The following CTDP1 variants were observed in gnomAD, a reference collection of about 807,000 sequenced individuals.
CTDP1 encodes the protein CTD phosphatase 1.
In CTDP1, 47 loss-of-function variants were observed where a neutral mutation model predicts 91.8. That is an observed-to-expected ratio of 0.51 (90% CI 0.41 to 0.65). The LOEUF (loss-of-function observed/expected upper bound fraction) is 0.65, where lower values mean the gene tolerates loss of function less well. Ranked by LOEUF, CTDP1 falls within the 30% of genes least tolerant of loss-of-function variation. The pLI is 0.00. For missense variants in CTDP1, 1,272 were observed against 1,373.7 expected, an observed-to-expected ratio of 0.93 and a Z score of 1.17; for synonymous variants, 656 against 598.5, an observed-to-expected ratio of 1.10 and a Z score of -1.40.
At chr18:79,711,700 C>A (rs2122605643) in intron 6 of CTDP1, among the ~76,000 whole-genome samples, 1 of 152,288 alleles carries the variant, frequency 6.6e-6, no homozygotes, top group East Asian at 1.9e-4. Context: ...ACTATTATGC[C>A]CATATTTTTG....
rs1423100927 is a variant in CTDP1, at chr18:79,736,480, T to G, written c.2706T>G (p.Pro902=). The G allele has an allele frequency of 6.5e-7, 1 of 1,548,290 alleles. No homozygotes were observed. The highest frequency in any genetic ancestry group is 8.7e-7 in the Non-Finnish European group (1 of 1,146,622). The part of the protein sequence containing the change: ...GTRRERTLGA[P]ASSERSAAGG... The stretch of plus-strand genomic sequence containing the variant: ...GCAGGGAGCGGACGCTCGGGGCACC[T>G]GCGTCCAGCGAGAGGAGCGCGGCAG... Residue 902 remains proline, a synonymous_variant, in exon 12 of 13, where the codon CCT becomes CCG. Coordinates refer to ENST00000613122, the MANE Select transcript of CTDP1 (RefSeq NM_004715.5).
At chr18:79,736,012 T>C (rs1316478716) in intron 11 of CTDP1, 2 of 298,252 alleles carry the variant, frequency 6.7e-6, no homozygotes, top group African/African-American at 2.1e-5. Flanking sequence ...GTGAATCTCA[T>C]TGATCTTGAA....
chr18:79,693,692 C>G (rs370707014), intron 1 of CTDP1, among the ~76,000 whole-genome samples: 4 of 152,166 alleles, frequency 2.6e-5, no homozygotes, highest in Non-Finnish European at 4.4e-5. Flanking sequence ...CCCGAGGGCT[C>G]GGAGCCCCGC....
Position 79,717,837 on chromosome 18 carries a change from C to G in CTDP1, c.2238C>G (p.Asp746Glu). Residue 746 changes from aspartate to glutamate, a missense_variant, in exon 10 of 13, where the codon GAC becomes GAG. By Grantham distance (45) the Asp-to-Glu change is conservative. This residue lies in a region of CTDP1 where 881 missense variants were observed against 911.6 expected (regional missense o/e 0.97). Transcript: ENST00000613122. ...QRENSPAAFP[D>E]REGVPPTALF... ...AGAACAGCCCTGCGGCCTTTCCCGA[C>G]CGGGAGGGTGTGCCCCCCACCGCCT... 2 of 1,613,698 alleles carry G rather than the reference C, an allele frequency of 1.2e-6. No individual in the cohort carries two copies. Among genetic ancestry groups the G allele is most frequent in the Non-Finnish European group, 1.7e-6 (2 of 1,180,000 alleles).
At chr18:79,706,480 C>CGT (rs2085968911) in intron 5 of CTDP1, among the ~76,000 whole-genome samples, 1 of 152,136 alleles carries the variant, frequency 6.6e-6, no homozygotes, top group Non-Finnish European at 1.5e-5. Flanking sequence ...CTCACAATAA[C>CGT]AAATGTCAGG....
In CTDP1 at chr18:79,754,028, A is replaced by G. The variant is rs2087055365; in HGVS notation, c.*238A>G. The G allele has an allele frequency of 1.7e-6, 1 of 580,360 alleles. No individual in the cohort carries two copies. Among genetic ancestry groups the G allele is most frequent in the East Asian group, 3.3e-5 (1 of 30,688 alleles). The allele number at this position is 580,360 out of a possible 1,614,324, so 36.0% of individuals were successfully genotyped here. A position where few individuals can be genotyped will look rare whatever the true frequency, so the allele number is the denominator to read the frequency against. On this transcript the variant is annotated 3_prime_UTR_variant, in exon 13 of 13. Coordinates refer to ENST00000613122, the MANE Select transcript of CTDP1 (RefSeq NM_004715.5). ...TAAAGGCCCAGGTGTGCTGTGCCAAAGAGCTCAGCAGAGGCTCACGTGGCC... is the reference window on the plus strand; with the variant it reads ...TAAAGGCCCAGGTGTGCTGTGCCAAGGAGCTCAGCAGAGGCTCACGTGGCC...
At chr18:79,683,131 ACT>A (rs2085409491) in intron 1 of CTDP1, 1 of 151,996 alleles carries the variant, frequency 6.6e-6, no homozygotes, top group African/African-American at 2.4e-5. Context: ...ACCGTCATTG[ACT>A]CTGCTCACCA....
rs1411239151 is a variant in CTDP1 at position 79,715,005 on chromosome 18, A to C, written c.1545A>C (p.Gly515=). ...PGRPAAPSLP[G]EAEPGAHAPD... is the part of the protein sequence containing the mutation. ...GGCCTGCAGCACCGAGTCTCCCCGG[A>C]GAGGCCGAGCCTGGCGCGCATGCCC... The change falls in exon 8 of 13, where the codon GGA becomes GGC. Residue 515 remains glycine, a synonymous_variant. Coordinates refer to ENST00000613122, the MANE Select transcript of CTDP1 (RefSeq NM_004715.5). 3.1e-6 allele frequency: 5 copies of C among 1,589,726 alleles called. No homozygotes were observed. The highest frequency in any genetic ancestry group is 4.3e-6 in the Non-Finnish European group (5 of 1,169,414).
At chr18:79,698,434 A>G (rs1020336763) in intron 4 of CTDP1, among the ~76,000 whole-genome samples, 3 of 152,046 alleles carry the variant, frequency 2.0e-5, no homozygotes, top group African/African-American at 7.2e-5. Context: ...GGGCTGGAGG[A>G]AAAGCCTGGG....
Position 79,682,081 on chromosome 18 carries a change from C to T in CTDP1, c.314+1820C>T, listed in dbSNP as rs117603502. On this transcript the variant is annotated intron_variant, in intron 1 of 12. Transcript: ENST00000613122. Reference sequence around the variant, plus strand: ...CATGTGCCCTGGCAGTTCTGGTCGTCTGTTTGGAATCAGGTTCCTGCCTCG... The same window carrying T: ...CATGTGCCCTGGCAGTTCTGGTCGTTTGTTTGGAATCAGGTTCCTGCCTCG... 8.8e-3 allele frequency among the ~76,000 whole-genome samples: 1,345 copies of T among 152,268 alleles called. 8 individuals carry two copies. Among genetic ancestry groups the T allele is most frequent in the Middle Eastern group, 0.02 (6 of 294 alleles).
At chr18:79,750,554 C>T (rs188791035) in intron 12 of CTDP1, among the ~76,000 whole-genome samples, 487 of 151,378 alleles carry the variant, frequency 3.2e-3, no homozygotes, top group African/African-American at 0.01. Context: ...AGTGCAGTGG[C>T]GTGATCTCAG....
intron 5 of CTDP1, among the ~76,000 whole-genome samples, chr18:79,706,881 G>A (rs2085978015): frequency 6.6e-6 from 1 of 152,236 alleles, no homozygotes; most frequent in African/African-American, 2.4e-5. Flanking sequence ...GCACAGCCCG[G>A]TGACCTGCAC....
At chr18:79,714,426 C>A in intron 7 of CTDP1, 65 bp from the exon 8 acceptor site, 1 of 1,574,452 alleles carries the variant, frequency 6.4e-7, no homozygotes, top group Non-Finnish European at 8.7e-7. Context: ...GCTGCTTTAA[C>A]TTGGAACGTT....
At chr18:79,728,352 G>A (rs1393856392) in intron 10 of CTDP1, among the ~76,000 whole-genome samples, 3 of 152,116 alleles carry the variant, frequency 2.0e-5, no homozygotes, top group Admixed American at 6.5e-5. Context: ...CACCTGCCTC[G>A]GCCTCCCAAA....
At chr18:79,751,319 A>AGG (rs1568224206) in intron 12 of CTDP1, among the ~76,000 whole-genome samples, 1 of 55,482 alleles carries the variant, frequency 1.8e-5, no homozygotes, top group Non-Finnish European at 3.7e-5. Flanking sequence ...CAGGCCAGGG[A>AGG]GGGAGGGGCT....
At chr18:79,741,838 A>G (rs1158955926) in intron 12 of CTDP1, among the ~76,000 whole-genome samples, 1 of 152,242 alleles carries the variant, frequency 6.6e-6, no homozygotes, top group Non-Finnish European at 1.5e-5. Context: ...AGTTGTTTTT[A>G]ATCTTGGATA....
chr18:79,743,537 A>AAC (rs1339776600), intron 12 of CTDP1, among the ~76,000 whole-genome samples: 1 of 151,042 alleles, frequency 6.6e-6, no homozygotes, highest in East Asian at 2.0e-4. Context: ...AAAAAAAAAA[A>AAC]AAAAAAACAG....
intron 10 of CTDP1, among the ~76,000 whole-genome samples, chr18:79,721,831 T>TA (rs201167000): frequency 0.023 from 3,549 of 151,914 alleles, 156 homozygotes; most frequent in African/African-American, 0.079. Context: ...TTTATTTATT[T>TA]TTTTTTTTTT....
At chr18:79,715,739 CA>C (rs1199658953) in intron 8 of CTDP1, among the ~76,000 whole-genome samples, 1 of 152,224 alleles carries the variant, frequency 6.6e-6, no homozygotes, top group African/African-American at 2.4e-5. Flanking sequence ...ACACACCATT[CA>C]GGGGTGGGAG....
Sources: gnomAD v4.1 joint callset for allele counts (sites outside exome capture counted in the v4.1 genomes callset) on GRCh38, gnomAD v4.1.1 for gene constraint, gnomAD v4.1.1 regional missense constraint, MANE v1.5 for transcripts, NCBI Gene and HGNC (gene_info 2026-07-23, HGNC 2026-07-21) for gene names.